The following EDA variants were observed in gnomAD, a reference collection of about 807,000 sequenced individuals.
The protein encoded by EDA is ectodysplasin A.
A neutral mutation model predicts 23.6 loss-of-function variants in EDA; 2 were observed. That is an observed-to-expected ratio of 0.08 (90% confidence interval 0.03 to 0.27). EDA has a LOEUF of 0.27. Among genes scored for constraint, EDA ranks in the 10% least tolerant of loss-of-function variants. The probability of loss-of-function intolerance (pLI) is 1.00; values close to 1 mark genes in which losing one functional copy is unlikely to be tolerated. For missense variants in EDA, 229 were observed against 324.2 expected, an observed-to-expected ratio of 0.71 and a Z score of 2.26; for synonymous variants, 131 against 132.0, an observed-to-expected ratio of 0.99 and a Z score of 0.05.
intron 1 of EDA, among the ~76,000 whole-genome samples, chrX:69,868,454 T>C (rs1466621476): frequency 1.8e-5 from 2 of 112,091 alleles, no homozygotes; most frequent in Admixed American, 1.9e-4. Context: ...CCCACACCAC[T>C]GGACCCCTAG....
At chrX:69,793,570 GTTTTTTT>G (rs67241807) in intron 1 of EDA, among the ~76,000 whole-genome samples, 1 of 58,781 alleles carries the variant, frequency 1.7e-5, no homozygotes, top group Non-Finnish European at 2.9e-5. Flanking sequence ...GTTTGTTTTT[GTTTTTTT>G]TTTTTTTTTT....
chrX:69,736,718 T>C (rs1323451023), intron 1 of EDA, among the ~76,000 whole-genome samples: 1 of 109,766 alleles, frequency 9.1e-6, no homozygotes, highest in Non-Finnish European at 1.9e-5. Context: ...GTATTTTTTT[T>C]CCAGCAGTTT....
intron 2 of EDA, among the ~76,000 whole-genome samples, chrX:69,993,112 A>G (rs1223971863): frequency 9.1e-6 from 1 of 109,938 alleles, no homozygotes; most frequent in Non-Finnish European, 1.9e-5. Flanking sequence ...ACGTTCCCAT[A>G]GAGTCTAGGT....
In EDA at chrX:69,764,234, C is replaced by CTTTTTTTTTT. The variant is rs1189179243; in HGVS notation, c.396+147547_396+147556dup. Among the ~76,000 whole-genome samples the CTTTTTTTTTT allele has an allele frequency of 1.1e-4, 5 of 44,570 alleles. 1 individual carries two copies. Among genetic ancestry groups the CTTTTTTTTTT allele is most frequent in the East Asian group, 9.1e-4 (1 of 1,101 alleles). 38.7% of individuals were successfully genotyped at this position (44,570 alleles called of 115,157 possible). A position where few individuals can be genotyped will look rare whatever the true frequency, so the allele number is the denominator to read the frequency against. On this transcript the variant is annotated intron_variant, in intron 1 of 7. Coordinates refer to ENST00000374552, the MANE Select transcript of EDA (RefSeq NM_001399.5). ...CTACCACTCCCATTCATTTTTTATT[C>CTTTTTTTTTT]TTTTTTTTTTTTTTTTTTTTTTTTT...
At chrX:69,915,036 A>G (rs2018320270) in intron 1 of EDA, among the ~76,000 whole-genome samples, 1 of 112,197 alleles carries the variant, frequency 8.9e-6, no homozygotes, top group Non-Finnish European at 1.9e-5. Flanking sequence ...GGCTTTAAAT[A>G]TGATTTCTTT....
chrX:69,618,984 T>C (rs1932082212), intron 1 of EDA, among the ~76,000 whole-genome samples: 1 of 112,238 alleles, frequency 8.9e-6, no homozygotes, highest in South Asian at 3.7e-4. Context: ...AAATTTCTAG[T>C]GCCCTGGTGC....
intron 1 of EDA, among the ~76,000 whole-genome samples, chrX:69,938,259 G>A (rs186117457): frequency 4.2e-3 from 468 of 110,842 alleles, no homozygotes; most frequent in Non-Finnish European, 7.8e-3. Flanking sequence ...TTTTCGCACC[G>A]CCTGTCTTTT....
intron 1 of EDA, among the ~76,000 whole-genome samples, chrX:69,715,163 G>T (rs1176464900): frequency 1.9e-5 from 2 of 104,024 alleles, no homozygotes; most frequent in Non-Finnish European, 3.9e-5. Context: ...ACAGGAGTTT[G>T]TTGTACAGAT....
At chrX:69,676,310 C>T (rs1161130357) in intron 1 of EDA, among the ~76,000 whole-genome samples, 1 of 111,358 alleles carries the variant, frequency 9.0e-6, no homozygotes, top group East Asian at 2.8e-4. Flanking sequence ...AGTAAGGGGG[C>T]TATTGCAGTA....
At chrX:70,033,940 C>T (rs1006573112) in intron 7 of EDA, among the ~76,000 whole-genome samples, 14 of 111,334 alleles carry the variant, frequency 1.3e-4, no homozygotes, top group African/African-American at 3.9e-4. Flanking sequence ...CTGGCTCGGA[C>T]GTTGTAATGA....
chrX:69,679,779 A>T (rs748467189), intron 1 of EDA, among the ~76,000 whole-genome samples: 148 of 110,513 alleles, frequency 1.3e-3, no homozygotes, highest in African/African-American at 4.7e-3. Context: ...CAGCTCCTGG[A>T]TTCTTTAATT....
intron 1 of EDA, among the ~76,000 whole-genome samples, chrX:69,703,434 C>T (rs1391911792): frequency 6.3e-5 from 7 of 111,854 alleles, no homozygotes; most frequent in Non-Finnish European, 1.1e-4. Flanking sequence ...TCCCGGTTTT[C>T]GGCACCAGAT....
intron 2 of EDA, among the ~76,000 whole-genome samples, chrX:70,018,489 A>C (rs1012194516): frequency 1.8e-5 from 2 of 111,616 alleles, no homozygotes; most frequent in Admixed American, 9.5e-5. Flanking sequence ...TATGGTACAG[A>C]TCGAACAATG....
intron 1 of EDA, among the ~76,000 whole-genome samples, chrX:69,862,780 G>C (rs1453330839): frequency 2.7e-5 from 3 of 111,182 alleles, no homozygotes; most frequent in African/African-American, 6.5e-5. Flanking sequence ...AGTGGCAACT[G>C]AGTGAAGTAG....
intron 1 of EDA, among the ~76,000 whole-genome samples, chrX:69,652,436 A>G (rs1453769077): frequency 8.9e-6 from 1 of 112,050 alleles, no homozygotes; most frequent in African/African-American, 3.2e-5. Flanking sequence ...GGATAAGGGA[A>G]AATTAGAAAC....
intron 1 of EDA, among the ~76,000 whole-genome samples, chrX:69,838,813 G>C (rs189950711): frequency 3.9e-4 from 44 of 111,543 alleles, no homozygotes; most frequent in African/African-American, 1.3e-3. Context: ...TCTCATGTTT[G>C]TTCCTTAGGT....
intron 1 of EDA, among the ~76,000 whole-genome samples, chrX:69,736,918 C>T (rs1460747668): frequency 9.2e-6 from 1 of 108,407 alleles, no homozygotes; most frequent in Non-Finnish European, 1.9e-5. Context: ...ATTACAGGCG[C>T]CTGCCACCAT....
At chrX:69,624,176 C>T (rs1398116854) in intron 1 of EDA, among the ~76,000 whole-genome samples, 1 of 111,761 alleles carries the variant, frequency 8.9e-6, no homozygotes, top group Non-Finnish European at 1.9e-5. Context: ...TTCATTAATT[C>T]TGTCTTCAGC....
chrX:69,861,484 A>G (rs1004339775), intron 1 of EDA, among the ~76,000 whole-genome samples: 7 of 111,844 alleles, frequency 6.3e-5, no homozygotes, highest in Non-Finnish European at 1.3e-4. Flanking sequence ...AAAAAGGAAT[A>G]TGAAAAGAAA....
Sources: gnomAD v4.1 joint callset for allele counts (sites outside exome capture counted in the v4.1 genomes callset) on GRCh38, gnomAD v4.1.1 for gene constraint, MANE v1.5 for transcripts, NCBI Gene and HGNC (gene_info 2026-07-23, HGNC 2026-07-21) for gene names.